Variants in EYS observed in about 807,000 individuals in gnomAD.
The protein encoded by EYS is EGF-like photoreceptor maintenance factor.
In EYS, 250 loss-of-function variants were observed where a neutral mutation model predicts 282.1. The ratio of observed to expected loss-of-function variants is 0.89; its 90% CI spans 0.80 to 0.98. The LOEUF (loss-of-function observed/expected upper bound fraction) is 0.98. EYS is among the 50% of genes least tolerant of loss of function. The pLI is 0.00. For missense variants in EYS, 4,016 were observed against 3,709.0 expected, an observed-to-expected ratio of 1.08 and a Z score of -2.15; for synonymous variants, 1,355 against 1,282.9, an observed-to-expected ratio of 1.06 and a Z score of -1.20.
chr6:65,694,723 C>A (rs1769376977), intron 1 of EYS, among the ~76,000 whole-genome samples: 2 of 140,366 alleles, frequency 1.4e-5, no homozygotes, highest in Non-Finnish European at 1.5e-5. Flanking sequence ...CGAGGTAAAC[C>A]ATTGGCTTGT....
In EYS at chr6:63,728,324, T is replaced by C. The variant is rs115250678; in HGVS notation, c.8072-1644A>G. Among the ~76,000 whole-genome samples the C allele has an allele frequency of 6.4e-3, 970 of 152,322 alleles. 9 individuals carry two copies. Among genetic ancestry groups the C allele is most frequent in the African/African-American group, 0.022 (907 of 41,572 alleles). On this transcript the variant is annotated intron_variant, in intron 41 of 42. Transcript: ENST00000503581. The stretch of plus-strand genomic sequence containing the variant: ...ACATTTTATATAAACTATGCATAAG[T>C]AATTGCTTTTTTCCATCTATCTTTG...
chr6:64,362,071 T>C (rs901542925), intron 29 of EYS, among the ~76,000 whole-genome samples: 1 of 151,778 alleles, frequency 6.6e-6, no homozygotes, highest in Non-Finnish European at 1.5e-5. Flanking sequence ...TCAAATAGCC[T>C]GGAAGAAACC....
chr6:64,761,602 G>A (rs140156757), intron 22 of EYS, among the ~76,000 whole-genome samples: 2,610 of 152,132 alleles, frequency 0.017, 69 homozygotes, highest in African/African-American at 0.059. Flanking sequence ...GACTACTGGC[G>A]CATGCCACCA....
chr6:65,417,838 G>A lies in EYS; in HGVS notation c.863-12471C>T, dbSNP rs531059529. Among the ~76,000 whole-genome samples, 60 of 152,042 alleles carry A rather than the reference G, an allele frequency of 3.9e-4. 1 individual carries two copies. Among genetic ancestry groups the A allele is most frequent in the East Asian group, 1.4e-3 (7 of 5,166 alleles). On this transcript the variant is annotated intron_variant, in intron 5 of 42. Coordinates refer to ENST00000503581, the MANE Select transcript of EYS (RefSeq NM_001142800.2). ...CTCTACATTATTCGTCAGAAACTTCGAGGAATGGCTGCCAGAAGCCCAAAA... is the reference window on the plus strand; with the variant it reads ...CTCTACATTATTCGTCAGAAACTTCAAGGAATGGCTGCCAGAAGCCCAAAA...
intron 14 of EYS, among the ~76,000 whole-genome samples, chr6:64,983,595 T>C (rs1175093825): frequency 1.3e-5 from 2 of 151,360 alleles, no homozygotes; most frequent in African/African-American, 4.8e-5. Context: ...TTGGATACTA[T>C]TATAAAGCCC....
chr6:63,831,493 T>A (rs1771636898), intron 36 of EYS, among the ~76,000 whole-genome samples: 1 of 152,118 alleles, frequency 6.6e-6, no homozygotes. Context: ...AGTAAAGGGA[T>A]CAATTCAACA....
intron 35 of EYS, among the ~76,000 whole-genome samples, chr6:63,912,689 G>C (rs1253385017): frequency 6.6e-6 from 1 of 152,118 alleles, no homozygotes; most frequent in Non-Finnish European, 1.5e-5. Flanking sequence ...GATTTCTCAT[G>C]AATGGTTTAC....
At chr6:64,896,558 T>A (rs56785748) in intron 18 of EYS, among the ~76,000 whole-genome samples, 25,954 of 151,196 alleles carry the variant, frequency 0.17, 2,409 homozygotes, top group East Asian at 0.29. Context: ...TTTTTTTTTT[T>A]TTTTTCGTAT....
intron 2 of EYS, among the ~76,000 whole-genome samples, chr6:65,524,472 C>A (rs1002394277): frequency 4.6e-5 from 7 of 152,072 alleles, no homozygotes; most frequent in Non-Finnish European, 8.8e-5. Context: ...AATGTTGGAC[C>A]GTGAATCATA....
At chr6:65,586,502 T>C (rs1765052732) in intron 2 of EYS, among the ~76,000 whole-genome samples, 1 of 152,096 alleles carries the variant, frequency 6.6e-6, no homozygotes, top group African/African-American at 2.4e-5. Context: ...ATACCTGCAT[T>C]TGTTTCTTGT....
intron 33 of EYS, among the ~76,000 whole-genome samples, chr6:64,003,021 A>G (rs896294441): frequency 6.6e-6 from 1 of 152,154 alleles, no homozygotes; most frequent in Admixed American, 6.5e-5. Context: ...TTTCAGGTTC[A>G]CCTATATACA....
At chr6:64,781,778 A>G (rs1014477803) in intron 22 of EYS, among the ~76,000 whole-genome samples, 2 of 152,134 alleles carry the variant, frequency 1.3e-5, no homozygotes, top group African/African-American at 4.8e-5. Context: ...ACTACCCCCA[A>G]TAATTTCCTC....
At chr6:65,244,499 G>A (rs942563154) in intron 12 of EYS, among the ~76,000 whole-genome samples, 1 of 150,462 alleles carries the variant, frequency 6.6e-6, no homozygotes, top group African/African-American at 2.5e-5. Flanking sequence ...TTAATTATCC[G>A]AACTATTTAT....
intron 31 of EYS, among the ~76,000 whole-genome samples, chr6:64,213,521 T>A (rs4397206): frequency 6.6e-6 from 1 of 151,984 alleles, no homozygotes; most frequent in South Asian, 2.1e-4. Flanking sequence ...TATTTGTCAA[T>A]TAATGTAAAA....
intron 19 of EYS, among the ~76,000 whole-genome samples, chr6:64,873,370 G>A (rs375076973): frequency 1.8e-4 from 27 of 152,098 alleles, no homozygotes; most frequent in African/African-American, 6.5e-4. Context: ...AAGAGATTTG[G>A]GAGGGGACAC....
chr6:64,781,375 T>C lies in EYS; in HGVS notation c.3443+32003A>G, dbSNP rs1773853460. On this transcript the variant is annotated intron_variant, in intron 22 of 42. Coordinates refer to ENST00000503581, the MANE Select transcript of EYS (RefSeq NM_001142800.2). ...AGGCAGACAAGGTTGAGGCTCACTA[T>C]GTTTAACGATTATTTATCAATCAAA... Among the ~76,000 whole-genome samples, 4 of 152,222 alleles carry C rather than the reference T, an allele frequency of 2.6e-5. No homozygotes were observed. In the South Asian group the frequency reaches 8.3e-4, roughly 32 times the overall value.
chr6:65,637,410 C>T (rs1031502158), intron 2 of EYS, among the ~76,000 whole-genome samples: 7 of 152,184 alleles, frequency 4.6e-5, no homozygotes, highest in African/African-American at 1.7e-4. Flanking sequence ...TGCAAGGATG[C>T]TGGTTGCACA....
intron 39 of EYS, 115 bp downstream of exon 39, chr6:63,787,990 G>T: frequency 2.6e-6 from 2 of 757,302 alleles, no homozygotes; most frequent in South Asian, 2.4e-5. Context: ...CTTTGTTCAA[G>T]TCTGAAAGCA....
chr6:64,807,428 T>C (rs4615368), intron 22 of EYS, among the ~76,000 whole-genome samples: 82,613 of 151,854 alleles, frequency 0.54, 22,989 homozygotes, highest in Admixed American at 0.68. Context: ...TCTCTGTAAT[T>C]TCCCTCAGCC....
Sources: allele counts gnomAD v4.1 joint callset (sites outside exome capture counted in the v4.1 genomes callset), GRCh38; gene constraint gnomAD v4.1.1; transcripts MANE v1.5; gene names NCBI Gene and HGNC (gene_info 2026-07-23, HGNC 2026-07-21).